RELN: variants seen among roughly 807,000 people sequenced by gnomAD.
RELN encodes the protein reelin.
A neutral mutation model predicts 427.6 loss-of-function variants in RELN; 108 were observed. The observed-to-expected ratio is 0.25, with a 90% CI of 0.22 to 0.30. The LOEUF (loss-of-function observed/expected upper bound fraction) is 0.30, where lower values mean the gene tolerates loss of function less well. Ranked by LOEUF, RELN falls within the 10% of genes least tolerant of loss-of-function variation. The pLI is 1.00. For synonymous variants in RELN, 1,524 were observed against 1,513.4 expected, an observed-to-expected ratio of 1.01 and a Z score of -0.16; for missense variants, 3,715 against 4,302.8, an observed-to-expected ratio of 0.86 and a Z score of 3.82.
Position 103,675,779 on chromosome 7 carries a change from A to C in RELN, c.1289+6337T>G, listed in dbSNP as rs558672115. On this transcript the variant is annotated intron_variant, in intron 11 of 64. Coordinates refer to ENST00000428762, the MANE Select transcript of RELN (RefSeq NM_005045.4). ...CTTTGACAAACCTGAGAAAAACAAG[A>C]AATGGGGAAAAGATTCCCTATTTAA... Among the ~76,000 whole-genome samples the C allele has an allele frequency of 2.0e-5, 3 of 152,314 alleles. No individual in the cohort carries two copies. In the East Asian group the frequency reaches 5.8e-4, roughly 29 times the overall value.
Position 103,561,501 on chromosome 7 carries a change from G to T in RELN, c.5529+31C>A, listed in dbSNP as rs771928428. ...TGAAGAAGACAATGTTAGTAGTAAT[G>T]TTGGGAAGGAGAATCTTATCTGTAT... On this transcript the variant is annotated intron_variant, in intron 36 of 64. Transcript: ENST00000428762. 3.9e-6 allele frequency: 6 copies of T among 1,522,396 alleles called. No homozygotes were observed. In the African/African-American group the frequency reaches 6.8e-5, roughly 17 times the overall value. The allele number at this position is 1,522,396 out of a possible 1,614,324, so 94.3% of individuals were successfully genotyped here. A position where few individuals can be genotyped will look rare whatever the true frequency, so the allele number is the denominator to read the frequency against.
chr7:103,958,131 T>A (rs1346628159), intron 1 of RELN, among the ~76,000 whole-genome samples: 2 of 152,210 alleles, frequency 1.3e-5, no homozygotes, highest in African/African-American at 2.4e-5. Flanking sequence ...AGCAGGATGG[T>A]GCACATGAAG....
chr7:103,642,247 A>G (rs1832708379), intron 16 of RELN, among the ~76,000 whole-genome samples: 1 of 152,088 alleles, frequency 6.6e-6, no homozygotes, highest in Non-Finnish European at 1.5e-5. Flanking sequence ...GCCATGAAGG[A>G]AGACTATACC....
intron 8 of RELN, among the ~76,000 whole-genome samples, chr7:103,704,084 T>C (rs1019699130): frequency 6.6e-6 from 1 of 152,148 alleles, no homozygotes; most frequent in African/African-American, 2.4e-5. Flanking sequence ...GGAGAAGAAA[T>C]GATGTTTTTT....
At chr7:103,657,552 C>G (rs938565102) in intron 12 of RELN, among the ~76,000 whole-genome samples, 13 of 152,078 alleles carry the variant, frequency 8.5e-5, no homozygotes, top group Non-Finnish European at 1.5e-5. Context: ...CATCTGTTTT[C>G]TGTAACTTCT....
intron 3 of RELN, among the ~76,000 whole-genome samples, chr7:103,791,011 T>A (rs1003231597): frequency 6.6e-6 from 1 of 151,608 alleles, no homozygotes; most frequent in Non-Finnish European, 1.5e-5. Flanking sequence ...AGAAAACAAT[T>A]CCATTTATAA....
intron 4 of RELN, among the ~76,000 whole-genome samples, chr7:103,765,518 A>T (rs1241331582): frequency 6.6e-6 from 1 of 152,242 alleles, no homozygotes; most frequent in African/African-American, 2.4e-5. Context: ...TAAAAAATCT[A>T]TATTAATTGT....
At chr7:103,558,273 C>T (rs758305591) in intron 36 of RELN, among the ~76,000 whole-genome samples, 4 of 152,184 alleles carry the variant, frequency 2.6e-5, no homozygotes, top group African/African-American at 4.8e-5. Context: ...TGTCTCAACT[C>T]TAAATCATAC....
intron 1 of RELN, among the ~76,000 whole-genome samples, chr7:103,942,810 G>A (rs984865442): frequency 2.0e-5 from 3 of 152,248 alleles, no homozygotes; most frequent in Non-Finnish European, 4.4e-5. Flanking sequence ...TACTCAGGAG[G>A]CTGAGGCAGG....
chr7:103,578,644 T>C (rs1306947117), intron 28 of RELN, among the ~76,000 whole-genome samples: 1 of 152,160 alleles, frequency 6.6e-6, no homozygotes, highest in African/African-American at 2.4e-5. Context: ...TTGAACACAA[T>C]TGATTTAGCA....
At chr7:103,898,056 C>A (rs1158443034) in intron 2 of RELN, among the ~76,000 whole-genome samples, 1 of 152,034 alleles carries the variant, frequency 6.6e-6, no homozygotes, top group Non-Finnish European at 1.5e-5. Flanking sequence ...AATGCTAGTA[C>A]TGACCATGTC....
At chr7:103,501,758 A>G (rs1829036665) in intron 52 of RELN, among the ~76,000 whole-genome samples, 1 of 152,206 alleles carries the variant, frequency 6.6e-6, no homozygotes, top group Non-Finnish European at 1.5e-5. Context: ...TGAGTCTGTG[A>G]TAGACATCAT....
chr7:103,666,363 T>G (rs1833267968), intron 11 of RELN, among the ~76,000 whole-genome samples: 1 of 152,162 alleles, frequency 6.6e-6, no homozygotes, highest in Non-Finnish European at 1.5e-5. Context: ...TCAGCCACTG[T>G]GCCCCACTTC....
At chr7:103,853,979 T>A (rs1793884323) in intron 2 of RELN, among the ~76,000 whole-genome samples, 1 of 152,110 alleles carries the variant, frequency 6.6e-6, no homozygotes, top group African/African-American at 2.4e-5. Context: ...ATTTTGAATG[T>A]TCACAACACA....
intron 3 of RELN, among the ~76,000 whole-genome samples, chr7:103,827,659 A>G (rs1423840945): frequency 1.3e-5 from 2 of 151,954 alleles, no homozygotes; most frequent in African/African-American, 2.4e-5. Context: ...GCTTATGGGG[A>G]AGTGAGAACT....
chr7:103,715,049 T>C (rs756841822), intron 8 of RELN, among the ~76,000 whole-genome samples: 21 of 152,200 alleles, frequency 1.4e-4, no homozygotes, highest in Non-Finnish European at 2.1e-4. Flanking sequence ...AATTAAACAA[T>C]TATTTGGATA....
At chr7:103,682,628 A>G (rs745310819) in intron 10 of RELN, among the ~76,000 whole-genome samples, 1 of 152,224 alleles carries the variant, frequency 6.6e-6, no homozygotes, top group Non-Finnish European at 1.5e-5. Flanking sequence ...TATCGGCTAA[A>G]TAGCATTGAC....
chr7:103,587,832 G>A (rs1268730775), intron 28 of RELN, among the ~76,000 whole-genome samples: 4 of 151,894 alleles, frequency 2.6e-5, no homozygotes, highest in Non-Finnish European at 4.4e-5. Context: ...ATAAAATATT[G>A]TCTTACCCCA....
intron 1 of RELN, among the ~76,000 whole-genome samples, chr7:103,951,214 A>G (rs1329992597): frequency 6.6e-6 from 1 of 152,226 alleles, no homozygotes; most frequent in Non-Finnish European, 1.5e-5. Flanking sequence ...CACTTGCACC[A>G]ACTGCTTTAT....
Sources: allele counts gnomAD v4.1 joint callset (sites outside exome capture counted in the v4.1 genomes callset), GRCh38; gene constraint gnomAD v4.1.1; transcripts MANE v1.5; gene names NCBI Gene and HGNC (gene_info 2026-07-23, HGNC 2026-07-21).